The following FOXO3 variants were observed in gnomAD, a reference collection of about 807,000 sequenced individuals.
The protein encoded by FOXO3 is forkhead box O3.
A neutral mutation model predicts 41.9 loss-of-function variants in FOXO3; 4 were observed. The observed-to-expected ratio is 0.10, with a 90% CI of 0.05 to 0.22. The LOEUF is 0.22. Among genes scored for constraint, FOXO3 ranks in the 10% least tolerant of loss-of-function variants. The probability of loss-of-function intolerance (pLI) is 1.00; values close to 1 mark genes in which losing one functional copy is unlikely to be tolerated. For synonymous variants in FOXO3, 318 were observed against 389.3 expected (o/e 0.82, Z 2.16); for missense variants, 534 against 906.8 (o/e 0.59, Z 5.28).
intron 1 of FOXO3, among the ~76,000 whole-genome samples, chr6:108,635,039 C>T (rs1778085583): frequency 6.6e-6 from 1 of 151,594 alleles, no homozygotes; most frequent in Non-Finnish European, 1.5e-5. Context: ...TGGCTCACAC[C>T]TGTAATCCCA....
chr6:108,598,325 A>G (rs1776945978), intron 1 of FOXO3, among the ~76,000 whole-genome samples: 1 of 152,272 alleles, frequency 6.6e-6, no homozygotes, highest in African/African-American at 2.4e-5. Flanking sequence ...TAGAGGAGGA[A>G]TGGATTAGCT....
intron 1 of FOXO3, among the ~76,000 whole-genome samples, chr6:108,568,504 G>A (rs564907026): frequency 3.3e-5 from 5 of 151,990 alleles, no homozygotes; most frequent in African/African-American, 1.2e-4. Context: ...TGTTTATTTT[G>A]TCATTTTGCT....
At chr6:108,606,865 G>T (rs1435329583) in intron 1 of FOXO3, among the ~76,000 whole-genome samples, 1 of 152,174 alleles carries the variant, frequency 6.6e-6, no homozygotes, top group African/African-American at 2.4e-5. Context: ...ACAGGAGGGG[G>T]TGAGGATGGG....
At position 108,581,472 on chromosome 6, in the gene FOXO3, A is replaced by G. The variant is rs148101920; in HGVS notation, c.621+19643A>G. On this transcript the variant is annotated intron_variant, in intron 1 of 2. Coordinates refer to ENST00000406360, the MANE Select transcript of FOXO3 (RefSeq NM_001455.4). ...AAATTTCTTCAAAGAACATTATCAA[A>G]CAACACATATGTACTGCTGATTAAG... Among the ~76,000 whole-genome samples, 102 of 152,310 alleles carry G rather than the reference A, an allele frequency of 6.7e-4. 1 individual carries two copies. The highest frequency in any genetic ancestry group is 2.4e-3 in the African/African-American group (101 of 41,568).
At chr6:108,621,469 T>C (rs990870411) in intron 1 of FOXO3, among the ~76,000 whole-genome samples, 12 of 152,180 alleles carry the variant, frequency 7.9e-5, no homozygotes, top group Admixed American at 3.3e-4. Flanking sequence ...GAATCAAGTA[T>C]GTGTGTAGTG....
At chr6:108,563,689 G>T (rs555963063) in intron 1 of FOXO3, among the ~76,000 whole-genome samples, 145 of 152,270 alleles carry the variant, frequency 9.5e-4, no homozygotes, top group African/African-American at 3.4e-3. Flanking sequence ...GTAGGAAGGC[G>T]TTTTCACCTT....
chr6:108,669,921 C>A (rs1779167575), intron 2 of FOXO3, among the ~76,000 whole-genome samples: 1 of 152,120 alleles, frequency 6.6e-6, no homozygotes, highest in Non-Finnish European at 1.5e-5. Flanking sequence ...CCAGAGAGCT[C>A]ATGTAGAACA....
intron 1 of FOXO3, chr6:108,656,491 G>T (rs1439282382): frequency 1.0e-6 from 1 of 985,240 alleles, no homozygotes; most frequent in Admixed American, 6.2e-5. Flanking sequence ...TCCTGGAAGG[G>T]GCCGCCCTGG....
At chr6:108,580,346 G>C (rs1215897015) in intron 1 of FOXO3, among the ~76,000 whole-genome samples, 1 of 151,914 alleles carries the variant, frequency 6.6e-6, no homozygotes, top group Non-Finnish European at 1.5e-5. Flanking sequence ...CCACCATCGT[G>C]CTCGGCTAAT....
chr6:108,654,474 C>T (rs771925071), intron 1 of FOXO3, among the ~76,000 whole-genome samples: 1 of 152,128 alleles, frequency 6.6e-6, no homozygotes, highest in Non-Finnish European at 1.5e-5. Context: ...AGCCCTTTCT[C>T]CCCTTGGGAA....
chr6:108,640,300 C>T (rs949850631), intron 1 of FOXO3, among the ~76,000 whole-genome samples: 17 of 152,138 alleles, frequency 1.1e-4, no homozygotes, highest in Non-Finnish European at 2.1e-4. Context: ...TTTCAGTTGT[C>T]GTAATTGGGG....
At chr6:108,600,733 C>T (rs564315058) in intron 1 of FOXO3, among the ~76,000 whole-genome samples, 1 of 152,154 alleles carries the variant, frequency 6.6e-6, no homozygotes, top group African/African-American at 2.4e-5. Context: ...TCACTTAAGC[C>T]TCAGGTACTT....
intron 2 of FOXO3, among the ~76,000 whole-genome samples, chr6:108,675,696 A>C (rs1167017371): frequency 6.6e-6 from 1 of 152,210 alleles, no homozygotes; most frequent in Non-Finnish European, 1.5e-5. Flanking sequence ...ACTTTCCTCA[A>C]ATCATCTAGT....
chr6:108,570,222 A>C (rs1294819953), intron 1 of FOXO3, among the ~76,000 whole-genome samples: 2 of 151,980 alleles, frequency 1.3e-5, no homozygotes, highest in Admixed American at 1.3e-4. Flanking sequence ...GATGGTCTTG[A>C]TCTGCTGACC....
chr6:108,571,798 C>T (rs563380866), intron 1 of FOXO3, among the ~76,000 whole-genome samples: 5 of 152,092 alleles, frequency 3.3e-5, no homozygotes, highest in East Asian at 1.9e-4. Flanking sequence ...CATGGTAATT[C>T]GTTATGGCAG....
chr6:108,642,376 C>T (rs1778284649), intron 1 of FOXO3, among the ~76,000 whole-genome samples: 2 of 152,194 alleles, frequency 1.3e-5, no homozygotes, highest in African/African-American at 4.8e-5. Context: ...CAGGTCTGAG[C>T]CACCATGCCC....
chr6:108,654,827 T>C (rs1201716356), intron 1 of FOXO3, among the ~76,000 whole-genome samples: 7 of 152,292 alleles, frequency 4.6e-5, no homozygotes, highest in Non-Finnish European at 1.0e-4. Flanking sequence ...TCAGGTTGTT[T>C]GTGCAATCTT....
chr6:108,678,864 A>G (rs1410998631), intron 2 of FOXO3, among the ~76,000 whole-genome samples: 1 of 89,546 alleles, frequency 1.1e-5, no homozygotes, highest in Non-Finnish European at 2.6e-5. Context: ...CCCATTTCTT[A>G]AATTCTTTTT....
rs771221967 is a variant in FOXO3, at chr6:108,663,700, C to T, written c.867C>T (p.Ser289=). The T allele has an allele frequency of 1.2e-6, 2 of 1,613,418 alleles. No individual in the cohort carries two copies. Among genetic ancestry groups the T allele is most frequent in the East Asian group, 4.5e-5 (2 of 44,862 alleles). Residue 289 remains serine (S), a synonymous_variant, in exon 2 of 3, where the codon TCC becomes TCT. Coordinates refer to ENST00000406360, the MANE Select transcript of FOXO3 (RefSeq NM_001455.4). ...CTGACGACAGTCCCTCCCAGCTCTC[C>T]AAGTGGCCTGGCAGCCCCACGTCAC... ...ESADDSPSQL[S]KWPGSPTSRS...
Sources: gnomAD v4.1 joint callset for allele counts (sites outside exome capture counted in the v4.1 genomes callset) on GRCh38, gnomAD v4.1.1 for gene constraint, MANE v1.5 for transcripts, NCBI Gene and HGNC (gene_info 2026-07-23, HGNC 2026-07-21) for gene names.